The following ASPHD1 variants were observed in gnomAD, a reference collection of about 807,000 sequenced individuals.
ASPHD1 encodes the protein aspartate beta-hydroxylase domain-containing protein 1.
ASPHD1 carries 20 observed loss-of-function variants against 28.3 expected under a neutral mutation model. The ratio of observed to expected loss-of-function variants is 0.71; its 90% CI spans 0.50 to 1.03. ASPHD1 has a LOEUF of 1.03. Among genes scored for constraint, ASPHD1 ranks in the 50% least tolerant of loss-of-function variants. The pLI, the probability that ASPHD1 is intolerant of heterozygous loss-of-function variation, is 0.00. For missense variants in ASPHD1, 479 were observed against 524.1 expected (o/e 0.91, Z 0.84); for synonymous variants, 240 against 221.2 (o/e 1.08, Z -0.75).
At chr16:29,912,027 G>C (rs750765239) in intron 3 of ASPHD1, 1 of 1,609,408 alleles carries the variant, frequency 6.2e-7, no homozygotes, top group Non-Finnish European at 8.5e-7. Flanking sequence ...GAGGCACAGC[G>C]GGGACAGCGT....
chr16:29,911,448 A>G, intron 3 of ASPHD1: 2 of 552,204 alleles, frequency 3.6e-6, no homozygotes, highest in Middle Eastern at 9.6e-4. Context: ...CCCATTTTTT[A>G]ACTGGGTGAC....
chr16:29,907,991 A>AG (rs1555512660), downstream of ASPHD1, among the ~76,000 whole-genome samples: 82 of 151,262 alleles, frequency 5.4e-4, no homozygotes, highest in Admixed American at 3.6e-3. Flanking sequence ...AAAAAAAAAA[A>AG]AGAGAGAGAG....
intron 1 of ASPHD1, among the ~76,000 whole-genome samples, chr16:29,902,577 G>C (rs1382102695): frequency 1.3e-5 from 2 of 152,200 alleles, no homozygotes; most frequent in East Asian, 3.8e-4. Context: ...GCACGATCTT[G>C]GCTCACTGCA....
intron 3 of ASPHD1, among the ~76,000 whole-genome samples, chr16:29,917,030 T>C (rs1401682901): frequency 6.6e-6 from 1 of 152,202 alleles, no homozygotes; most frequent in Non-Finnish European, 1.5e-5. Context: ...AGCTGTAATG[T>C]CTTTTATGAC....
chr16:29,917,493 A>G (rs1181410423), intron 3 of ASPHD1, among the ~76,000 whole-genome samples: 1 of 152,064 alleles, frequency 6.6e-6, no homozygotes, highest in Non-Finnish European at 1.5e-5. Context: ...CAAAAAATAC[A>G]AAAATTAGAC....
Position 29,901,956 on chromosome 16 carries a change from T to A in ASPHD1, c.949+36T>A. ...GCCGCCTACTGACAACCTCCTTGCC[T>A]CGATGATTTCCCCCCCAGACCCTTC... On this transcript the variant is annotated intron_variant, in intron 1 of 2. Coordinates refer to ENST00000308748, the MANE Select transcript of ASPHD1 (RefSeq NM_181718.4). This position sits in a 1 kb window ranked among gnomAD's most constrained non-coding sequence, Gnocchi z 5.1. The A allele has an allele frequency of 7.0e-7, 1 of 1,420,810 alleles. No homozygotes were observed. Among genetic ancestry groups the A allele is most frequent in the Non-Finnish European group, 9.2e-7 (1 of 1,082,808 alleles). The allele number at this position is 1,420,810 out of a possible 1,614,324, so 88.0% of individuals were successfully genotyped here. A position where few individuals can be genotyped will look rare whatever the true frequency, so the allele number is the denominator to read the frequency against.
chr16:29,911,846 T>C (rs568706383), intron 3 of ASPHD1: 1 of 1,612,648 alleles, frequency 6.2e-7, no homozygotes, highest in South Asian at 1.1e-5. Flanking sequence ...TTACTGCGGT[T>C]GTGCAGGAGC....
At chr16:29,906,441 A>G, downstream of ASPHD1, 1 of 456,330 alleles carries the variant, frequency 2.2e-6, no homozygotes, top group Non-Finnish European at 4.4e-6. Flanking sequence ...AGGCCAGTCT[A>G]GTACAAAGTT....
rs2068719886 is a variant in ASPHD1, at chr16:29,911,913, G to C, written c.*62+5954G>C. 4 of 1,609,650 alleles carry C rather than the reference G, an allele frequency of 2.5e-6. No homozygotes were observed. In the East Asian group the frequency reaches 8.9e-5, roughly 36 times the overall value. The stretch of plus-strand genomic sequence containing the variant: ...GACGAGAGGGGTGAGGCTGCAGGGA[G>C]AGGCCCCCCCAGTGAGCCTCCACCC... On this transcript the variant is annotated intron_variant and NMD_transcript_variant, in intron 3 of 3. Coordinates refer to the ASPHD1 transcript ENST00000414952.
chr16:29,902,111 G>C (rs1309143299), intron 1 of ASPHD1, among the ~76,000 whole-genome samples, 191 bp downstream of exon 1: 1 of 152,112 alleles, frequency 6.6e-6, no homozygotes, highest in Non-Finnish European at 1.5e-5. Context: ...CTTTGCCGTG[G>C]TCATTCCCAT....
chr16:29,905,069 C>T, intron 2 of ASPHD1, 104 bp downstream of exon 2: 1 of 758,970 alleles, frequency 1.3e-6, no homozygotes, highest in South Asian at 1.6e-5. Flanking sequence ...TGTCCTACCA[C>T]CACCATCTTC....
At position 29,901,751 on chromosome 16, in the gene ASPHD1, C is replaced by T; in HGVS notation, c.780C>T (p.Cys260=). ...TCCTGCTGTACCAAGCAGGCCGGTG[C>T]CAACCCAGCAACTGCCGCCGGTGCC... The part of the protein sequence containing the change: ...YQLLLYQAGR[C]QPSNCRRCPG... Residue 260 remains cysteine, a synonymous_variant, in exon 1 of 3, where the codon TGC becomes TGT. Transcript: ENST00000308748. This position sits in a 1 kb window ranked among gnomAD's most constrained non-coding sequence, Gnocchi z 5.1. 3.2e-6 allele frequency: 5 copies of T among 1,550,470 alleles called. No homozygotes were observed. The highest frequency in any genetic ancestry group is 1.7e-4 in the Middle Eastern group (1 of 5,744).
chr16:29,912,309 T>C (rs2068728237), intron 3 of ASPHD1: 1 of 550,364 alleles, frequency 1.8e-6, no homozygotes, highest in Non-Finnish European at 3.2e-6. Context: ...GATGCTTCTT[T>C]GCTCAGCTGT....
chr16:29,917,596 G>A (rs2068832961), intron 3 of ASPHD1, among the ~76,000 whole-genome samples: 1 of 151,930 alleles, frequency 6.6e-6, no homozygotes, highest in East Asian at 1.9e-4. Flanking sequence ...TCTGGCCAAC[G>A]TCGTGAAACC....
At chr16:29,911,671 A>AG (rs897219590) in intron 3 of ASPHD1, 2 of 767,032 alleles carry the variant, frequency 2.6e-6, no homozygotes, top group Non-Finnish European at 4.3e-6. Flanking sequence ...CTAGAGCGTC[A>AG]GGGGTAAGAG....
At chr16:29,902,074 C>A (rs2068557547) in intron 1 of ASPHD1, among the ~76,000 whole-genome samples, 154 bp downstream of exon 1, 1 of 152,180 alleles carries the variant, frequency 6.6e-6, no homozygotes, top group South Asian at 2.1e-4. Context: ...TCCTCAGCCT[C>A]GGTTATCTGC....
At chr16:29,912,296 C>T (rs1013018837) in intron 3 of ASPHD1, 7 of 559,580 alleles carry the variant, frequency 1.3e-5, no homozygotes, top group African/African-American at 5.8e-5. Flanking sequence ...TGCCCCTGCC[C>T]GGGATGCTTC....
chr16:29,906,678 C>A (rs575965874), downstream of ASPHD1: 3 of 687,554 alleles, frequency 4.4e-6, no homozygotes, highest in Non-Finnish European at 2.7e-6. Flanking sequence ...GTGGTGGGGC[C>A]GGAATGTACC....
At chr16:29,911,614 C>G in intron 3 of ASPHD1, 1 of 611,904 alleles carries the variant, frequency 1.6e-6, no homozygotes, top group Non-Finnish European at 2.9e-6. Flanking sequence ...TCACCCAAAC[C>G]CATTTACTGA....
Sources: gnomAD v4.1 joint callset for allele counts (sites outside exome capture counted in the v4.1 genomes callset) on GRCh38, gnomAD v4.1.1 for gene constraint, Gnocchi (gnomAD v3.1) non-coding constraint, MANE v1.5 for transcripts, NCBI Gene and HGNC (gene_info 2026-07-23, HGNC 2026-07-21) for gene names.